GLIS2: variants seen among roughly 807,000 people sequenced by gnomAD.
GLIS2 encodes zinc finger protein GLIS2.
Under a neutral mutation model 35.6 loss-of-function variants are expected in GLIS2, and 14 were observed. The observed-to-expected ratio is 0.39, with a 90% CI of 0.26 to 0.61. GLIS2 has a LOEUF of 0.61. Among genes scored for constraint, GLIS2 ranks in the 20% least tolerant of loss-of-function variants. The probability of loss-of-function intolerance (pLI) is 0.48; values close to 1 mark genes in which losing one functional copy is unlikely to be tolerated. For missense variants in GLIS2, 675 were observed against 713.4 expected (o/e 0.95, Z 0.61); for synonymous variants, 368 against 325.1 (o/e 1.13, Z -1.42).
intron 1 of GLIS2, among the ~76,000 whole-genome samples, chr16:4,330,052 A>C (rs747204863): frequency 1.5e-4 from 23 of 152,260 alleles, no homozygotes; most frequent in Non-Finnish European, 2.2e-4. Flanking sequence ...CGAGGTGGGC[A>C]GATCACCTGA....
chr16:4,333,641 C>A, intron 3 of GLIS2, 122 bp downstream of exon 3: 1 of 1,144,476 alleles, frequency 8.7e-7, no homozygotes, highest in Non-Finnish European at 1.2e-6. Flanking sequence ...ATTCTGGAGG[C>A]TGGAGTCTAC....
Position 4,332,466 on chromosome 16 carries a change from GCAGGGCAGGGGGACTTAGCCCTGATC to G in GLIS2, c.172+18_172+43del. On this transcript the variant is annotated intron_variant, in intron 2 of 6. Coordinates refer to ENST00000433375, the MANE Select transcript of GLIS2 (RefSeq NM_032575.3). The surrounding 1 kb of genome is among the most constrained non-coding windows in gnomAD (Gnocchi z 5.4). The stretch of plus-strand genomic sequence containing the variant: ...CCCCGCCCTCAGGTACTGGCCCTGG[GCAGGGCAGGGGGACTTAGCCCTGATC>G]CAGTCATGGTGACAGGGAGAATGGC... 1 of 1,609,278 alleles carries G rather than the reference GCAGGGCAGGGGGACTTAGCCCTGATC, an allele frequency of 6.2e-7. No homozygotes were observed. The highest frequency in any genetic ancestry group is 8.5e-7 in the Non-Finnish European group (1 of 1,179,618).
intron 6 of GLIS2, chr16:4,336,074 G>A (rs1425254751): frequency 1.1e-5 from 2 of 185,230 alleles, no homozygotes; most frequent in East Asian, 2.6e-4. Context: ...AGTGAGGGCA[G>A]TAGCGCCCAG....
intron 1 of GLIS2, among the ~76,000 whole-genome samples, chr16:4,324,260 G>C (rs1311317064): frequency 6.6e-6 from 1 of 152,142 alleles, no homozygotes; most frequent in Admixed American, 6.5e-5. Flanking sequence ...AGGAAGTGCC[G>C]CCTGCCCTGG....
At chr16:4,329,150 C>T (rs1003616806) in intron 1 of GLIS2, 1 of 152,174 alleles carries the variant, frequency 6.6e-6, no homozygotes, top group Non-Finnish European at 1.5e-5. Flanking sequence ...TGGATTGCGC[C>T]TGTGTCTAAA....
chr16:4,322,085 CAG>C (rs1567217435), intron 1 of GLIS2, among the ~76,000 whole-genome samples: 1 of 151,246 alleles, frequency 6.6e-6, no homozygotes, highest in African/African-American at 2.4e-5. Context: ...GGAAAGAGAA[CAG>C]GGGGGCATGG....
intron 1 of GLIS2, chr16:4,328,193 T>A (rs2053458721): frequency 1.3e-5 from 2 of 152,260 alleles, no homozygotes; most frequent in Non-Finnish European, 2.9e-5. Flanking sequence ...CTGGCTGAGC[T>A]TGTCCAGAGC....
intron 1 of GLIS2, among the ~76,000 whole-genome samples, chr16:4,329,552 T>C (rs2053475637): frequency 1.3e-5 from 2 of 151,912 alleles, no homozygotes; most frequent in African/African-American, 4.8e-5. Flanking sequence ...AAGCAGAGGA[T>C]CTCCAGTGAA....
At chr16:4,336,319 G>A (rs952265947) in intron 6 of GLIS2, 5 of 342,710 alleles carry the variant, frequency 1.5e-5, no homozygotes, top group African/African-American at 6.3e-5. Context: ...GCTAGTTTTC[G>A]TAGTTTTAGT....
At chr16:4,325,000 C>T (rs973264188) in intron 1 of GLIS2, among the ~76,000 whole-genome samples, 1 of 152,190 alleles carries the variant, frequency 6.6e-6, no homozygotes, top group Non-Finnish European at 1.5e-5. Flanking sequence ...GCTGGGCGGC[C>T]AAGGAGGGTG....
rs1482457346 is a variant in GLIS2, at chr16:4,338,939, G to A, written c.*1415G>A. ...AGGCCTGCCCTGTCACCAGGCCTCT[G>A]AGTGGCCAGGCCCTTCCACCTCCCC... On this transcript the variant is annotated 3_prime_UTR_variant, in exon 7 of 7. Transcript: ENST00000433375. 1 of 152,308 alleles carries A rather than the reference G, an allele frequency of 6.6e-6. No homozygotes were observed. Among genetic ancestry groups the A allele is most frequent in the African/African-American group, 2.4e-5 (1 of 41,454 alleles). 9.4% of individuals were successfully genotyped at this position (152,308 alleles called of 1,614,324 possible). A position where few individuals can be genotyped will look rare whatever the true frequency, so the allele number is the denominator to read the frequency against.
chr16:4,335,213 G>A lies in GLIS2; in HGVS notation c.656+20G>A. ...CGCCAGGTGAGGTGGGGGAGAGAGG[G>A]GTAGAGGGAGGACTGGGGTCTCCAG... On this transcript the variant is annotated intron_variant, in intron 5 of 6. Transcript: ENST00000433375. The surrounding 1 kb of genome is among the most constrained non-coding windows in gnomAD (Gnocchi z 4.6). The A allele has an allele frequency of 6.2e-7, 1 of 1,613,566 alleles. No homozygotes were observed. Among genetic ancestry groups the A allele is most frequent in the Non-Finnish European group, 8.5e-7 (1 of 1,180,012 alleles).
intron 1 of GLIS2, among the ~76,000 whole-genome samples, chr16:4,318,280 C>T (rs1472262182): frequency 8.5e-5 from 13 of 152,184 alleles, no homozygotes; most frequent in Admixed American, 8.5e-4. Context: ...AGACTCCTCC[C>T]CTCTCCCGGC....
At chr16:4,321,556 G>A (rs1210382128) in intron 1 of GLIS2, among the ~76,000 whole-genome samples, 2 of 152,202 alleles carry the variant, frequency 1.3e-5, no homozygotes, top group East Asian at 3.8e-4. Context: ...AGCTTCGGCT[G>A]TCCTCTCAGC....
intron 3 of GLIS2, among the ~76,000 whole-genome samples, chr16:4,334,592 G>A (rs1254746173): frequency 6.6e-6 from 1 of 151,612 alleles, no homozygotes; most frequent in Non-Finnish European, 1.5e-5. Context: ...GTCACTGGGT[G>A]TTGGGCCCAC....
In GLIS2 at chr16:4,335,838, G is replaced by A. The variant is rs1462180211; in HGVS notation, c.775+445G>A. On this transcript the variant is annotated intron_variant, in intron 6 of 6. Coordinates refer to ENST00000433375, the MANE Select transcript of GLIS2 (RefSeq NM_032575.3). The surrounding 1 kb of genome is among the most constrained non-coding windows in gnomAD (Gnocchi z 4.6). Reference sequence around the variant, plus strand: ...GTTCGTTGACCCCGGTACATCCAACGTGTTATCAATTCATTATTAAAGACA... The same window carrying A: ...GTTCGTTGACCCCGGTACATCCAACATGTTATCAATTCATTATTAAAGACA... 9.4e-6 allele frequency: 2 copies of A among 213,242 alleles called. No individual in the cohort carries two copies. The highest frequency in any genetic ancestry group is 2.3e-5 in the African/African-American group (1 of 43,724). 13.2% of individuals were successfully genotyped at this position (213,242 alleles called of 1,614,324 possible).
chr16:4,319,605 G>T (rs1299423643), intron 1 of GLIS2, among the ~76,000 whole-genome samples: 1 of 152,216 alleles, frequency 6.6e-6, no homozygotes, highest in Non-Finnish European at 1.5e-5. Flanking sequence ...TTTCTGAGGT[G>T]GCCGCCTCCG....
In GLIS2 at chr16:4,337,671, C is replaced by CA. The variant is rs2053572491; in HGVS notation, c.*148dup. The CA allele has an allele frequency of 5.0e-6, 6 of 1,199,422 alleles. No individual in the cohort carries two copies. The highest frequency in any genetic ancestry group is 7.1e-6 in the Non-Finnish European group (6 of 847,952). The allele number at this position is 1,199,422 out of a possible 1,614,324, so 74.3% of individuals were successfully genotyped here. ...GCCGGGAGCAAGGATGGTGCTAGGT[C>CA]ATTCATGGCTGGCCTCCCAGCCCCC... On this transcript the variant is annotated 3_prime_UTR_variant, in exon 7 of 7. Transcript: ENST00000433375.
Position 4,337,903 on chromosome 16 carries a change from G to A in GLIS2, c.*379G>A. 1 of 395,212 alleles carries A rather than the reference G, an allele frequency of 2.5e-6. No individual in the cohort carries two copies. Among genetic ancestry groups the A allele is most frequent in the South Asian group, 2.4e-5 (1 of 41,798 alleles). 24.5% of individuals were successfully genotyped at this position (395,212 alleles called of 1,614,324 possible). ...CCCTCTCCCAGCAGAGGGGGTGGGT[G>A]GGGTGGCATCTGCCCTCCCTGCTAG... On this transcript the variant is annotated 3_prime_UTR_variant, in exon 7 of 7. Coordinates refer to ENST00000433375, the MANE Select transcript of GLIS2 (RefSeq NM_032575.3).
Sources: allele counts gnomAD v4.1 joint callset (sites outside exome capture counted in the v4.1 genomes callset), GRCh38; gene constraint gnomAD v4.1.1; non-coding constraint Gnocchi (gnomAD v3.1); transcripts MANE v1.5; gene names NCBI Gene and HGNC (gene_info 2026-07-23, HGNC 2026-07-21).